Variants in RNF40 observed in about 807,000 individuals in gnomAD.
RNF40 encodes the protein E3 ubiquitin-protein ligase BRE1B.
RNF40 carries 39 observed loss-of-function variants against 123.3 expected under a neutral mutation model. That is an observed-to-expected ratio of 0.32 (90% CI 0.24 to 0.41). The LOEUF (loss-of-function observed/expected upper bound fraction) is 0.41, where lower values mean the gene tolerates loss of function less well. Ranked by LOEUF, RNF40 falls within the 10% of genes least tolerant of loss-of-function variation. The pLI is 1.00. For synonymous variants in RNF40, 538 were observed against 526.0 expected (o/e 1.02, Z -0.31); for missense variants, 1,003 against 1,319.9 (o/e 0.76, Z 3.72).
In RNF40 at chr16:30,768,926, G is replaced by T; in HGVS notation, c.2186G>T (p.Arg729Leu). ...KKIADEDALR[R>L]IRQAEEQIEH... ...ATCGCGGATGAGGATGCCCTGCGGC[G>T]CATTCGGCAGGCAGAGGAGCAGATA... Residue 729 changes from arginine (R) to leucine (L), a missense_variant, in exon 15 of 20, where the codon CGC becomes CTC. Physicochemically the swap from Arg to Leu is moderately radical, Grantham distance 102. Around this residue, in one of 11 missense-constraint regions of RNF40, gnomAD observed 295 missense variants for 331.7 expected, o/e 0.89. Transcript: ENST00000324685. This position sits in a 1 kb window ranked among gnomAD's most constrained non-coding sequence, Gnocchi z 4.1. 1 of 1,614,174 alleles carries T rather than the reference G, an allele frequency of 6.2e-7. No individual in the cohort carries two copies. Among genetic ancestry groups the T allele is most frequent in the South Asian group, 1.1e-5 (1 of 91,088 alleles).
rs1567285308 is a variant in RNF40 at position 30,768,101 on chromosome 16, AGCTC to A, written c.1552-1_1554del. 1 of 1,611,120 alleles carries A rather than the reference AGCTC, an allele frequency of 6.2e-7. No individual in the cohort carries two copies. The highest frequency in any genetic ancestry group is 8.5e-7 in the Non-Finnish European group (1 of 1,178,028). ...CATCCCTCTTCCTCTCTGCCTTTGC[AGCTC>A]CGGGCCCAGGCCAGTGGCTCTGCCC... On this transcript the variant is annotated splice_acceptor_variant and coding_sequence_variant, in exon 13 of 20. Coordinates refer to ENST00000324685, the MANE Select transcript of RNF40 (RefSeq NM_014771.4). LOFTEE classifies it high-confidence loss of function. This position sits in a 1 kb window ranked among gnomAD's most constrained non-coding sequence, Gnocchi z 4.1.
rs1354297625 is a variant in RNF40 at position 30,775,482 on chromosome 16, T to C, written c.*1368T>C. ...CCTGGTCCGCACATGGTTAGGAGGT[T>C]CTCGGAGAGAGAGCTAGTTTCCCGG... On this transcript the variant is annotated 3_prime_UTR_variant, in exon 20 of 20. Transcript: ENST00000324685. 1 of 166,996 alleles carries C rather than the reference T, an allele frequency of 6.0e-6. No individual in the cohort carries two copies. The highest frequency in any genetic ancestry group is 1.3e-5 in the Non-Finnish European group (1 of 76,612). The allele number at this position is 166,996 out of a possible 1,614,324, so 10.3% of individuals were successfully genotyped here.
chr16:30,765,694 G>A (rs575959601), intron 8 of RNF40, among the ~76,000 whole-genome samples, 195 bp downstream of exon 8: 1 of 152,150 alleles, frequency 6.6e-6, no homozygotes, highest in African/African-American at 2.4e-5. Context: ...GCATATTGGC[G>A]AGAACAAAAT....
At position 30,766,454 on chromosome 16, in the gene RNF40, C is replaced by G. The variant is rs759859363; in HGVS notation, c.1189C>G (p.Leu397Val). The change falls in exon 10 of 20, where the codon CTG becomes GTG. Residue 397 changes from leucine (L) to valine (V), a missense_variant. Transcript: ENST00000324685. This position sits in a 1 kb window ranked among gnomAD's most constrained non-coding sequence, Gnocchi z 5.4. Reference sequence around the variant, plus strand: ...CCGCATGCTGCAGGCCCAATTCTCACTGCTCTACAACGAGTCTCTGCAAGT... The same window carrying G: ...CCGCATGCTGCAGGCCCAATTCTCAGTGCTCTACAACGAGTCTCTGCAAGT... ...EYRMLQAQFS[L>V]LYNESLQVKT... 7.4e-6 allele frequency: 12 copies of G among 1,613,990 alleles called. No individual in the cohort carries two copies. Among genetic ancestry groups the G allele is most frequent in the South Asian group, 2.2e-5 (2 of 91,084 alleles).
At position 30,763,609 on chromosome 16, in the gene RNF40, C is replaced by T. The variant is rs2053945811; in HGVS notation, c.442+50C>T. 3.1e-6 allele frequency: 5 copies of T among 1,599,802 alleles called. No individual in the cohort carries two copies. In the South Asian group the frequency reaches 3.3e-5, roughly 11 times the overall value. ...GGGAGCTTAAGTTCTGGGAGAAGTC[C>T]TGGGGAGGAGGGGACTTTGGTGTTG... is the stretch of plus-strand genomic sequence containing the variant. On this transcript the variant is annotated intron_variant, in intron 4 of 19. Coordinates refer to ENST00000324685, the MANE Select transcript of RNF40 (RefSeq NM_014771.4).
Position 30,774,996 on chromosome 16 carries a change from T to TC in RNF40, c.*887dup, listed in dbSNP as rs1350866642. 1 of 456,268 alleles carries TC rather than the reference T, an allele frequency of 2.2e-6. No homozygotes were observed. The highest frequency in any genetic ancestry group is 4.4e-6 in the Non-Finnish European group (1 of 226,782). 28.3% of individuals were successfully genotyped at this position (456,268 alleles called of 1,614,324 possible). On this transcript the variant is annotated 3_prime_UTR_variant, in exon 20 of 20. Transcript: ENST00000324685. ...TCCAATCATTCCAGCTAGAAGAGCT[T>TC]CCCCCTGACACCCTGTGACTGAGCC...
In RNF40 at chr16:30,774,924, T is replaced by C. The variant is rs534630932; in HGVS notation, c.*810T>C. 1 of 456,290 alleles carries C rather than the reference T, an allele frequency of 2.2e-6. No individual in the cohort carries two copies. The highest frequency in any genetic ancestry group is 4.4e-6 in the Non-Finnish European group (1 of 226,678). The allele number at this position is 456,290 out of a possible 1,614,324, so 28.3% of individuals were successfully genotyped here. A position where few individuals can be genotyped will look rare whatever the true frequency, so the allele number is the denominator to read the frequency against. On this transcript the variant is annotated 3_prime_UTR_variant, in exon 20 of 20. Transcript: ENST00000324685. ...GCCTTAACTACAGTGGAGGTGGAAC[T>C]TCCCAGGAGGGGAAGGGACAGACCA...
chr16:30,767,779 C>T, intron 11 of RNF40, 115 bp from the exon 12 acceptor site: 1 of 1,404,982 alleles, frequency 7.1e-7, no homozygotes, highest in Admixed American at 1.8e-5. Flanking sequence ...GTTGAGGCCG[C>T]AATGTTCCCC....
At position 30,766,251 on chromosome 16, in the gene RNF40, AG is replaced by A; in HGVS notation, c.1087del (p.Ala363LeufsTer19). ...CTGGAGAAACTGCAGGCCGAACTTC[AG>A]GGGGCTGTGCGGACCAATGAGCGCC... ...AELEKLQAEL[Q>X]GAVRTNERLK... On this transcript the variant is annotated frameshift_variant, in exon 9 of 20. Coordinates refer to ENST00000324685, the MANE Select transcript of RNF40 (RefSeq NM_014771.4). LOFTEE classifies it high-confidence loss of function. This position sits in a 1 kb window ranked among gnomAD's most constrained non-coding sequence, Gnocchi z 5.4. 6.2e-7 allele frequency: 1 copy of A among 1,614,094 alleles called. No homozygotes were observed. Among genetic ancestry groups the A allele is most frequent in the Non-Finnish European group, 8.5e-7 (1 of 1,180,004 alleles).
In RNF40 at chr16:30,769,492, G is replaced by A; in HGVS notation, c.2478G>A (p.Leu826=). 1 of 1,613,866 alleles carries A rather than the reference G, an allele frequency of 6.2e-7. No homozygotes were observed. ...GTCCTTAGGTGGATGCCCAGCTGCT[G>A]ACTGTGCAGAAGCTAGAGGAGAAGG... The part of the protein sequence containing the change: ...GLKSQVDAQL[L]TVQKLEEKER... Residue 826 remains leucine (L), a synonymous_variant, in exon 17 of 20, where the codon CTG becomes CTA. Transcript: ENST00000324685.
rs767274387 is a variant in RNF40, at chr16:30,768,925, C to T, written c.2185C>T (p.Arg729Cys). Residue 729 changes from arginine to cysteine, a missense_variant, in exon 15 of 20, where the codon CGC (arginine) becomes TGC (cysteine). Arg to Cys is a radical substitution (Grantham distance 180, BLOSUM62 -3). This residue lies in a region of RNF40 where 295 missense variants were observed against 331.7 expected (regional missense o/e 0.89). Transcript: ENST00000324685. This position sits in a 1 kb window ranked among gnomAD's most constrained non-coding sequence, Gnocchi z 4.1. ...KKIADEDALR[R>C]IRQAEEQIEH... ...GATCGCGGATGAGGATGCCCTGCGGCGCATTCGGCAGGCAGAGGAGCAGAT... is the reference window on the plus strand; with the variant it reads ...GATCGCGGATGAGGATGCCCTGCGGTGCATTCGGCAGGCAGAGGAGCAGAT... 14 of 1,614,052 alleles carry T rather than the reference C, an allele frequency of 8.7e-6. No individual in the cohort carries two copies. Among genetic ancestry groups the T allele is most frequent in the South Asian group, 6.6e-5 (6 of 91,088 alleles).
At chr16:30,773,049 G>A (rs553542597) in intron 19 of RNF40, among the ~76,000 whole-genome samples, 6 of 152,288 alleles carry the variant, frequency 3.9e-5, no homozygotes, top group African/African-American at 7.2e-5. Flanking sequence ...GGAGGCCTGC[G>A]GGGGAGCAGG....
At chr16:30,770,536 A>G (rs566353191) in intron 17 of RNF40, among the ~76,000 whole-genome samples, 36 of 152,266 alleles carry the variant, frequency 2.4e-4, no homozygotes, top group African/African-American at 8.2e-4. Flanking sequence ...TCTACCTTCT[A>G]ACCACTCGCT....
intron 4 of RNF40, 56 bp downstream of exon 4, chr16:30,763,615 A>G (rs1242312331): frequency 1.3e-6 from 2 of 1,586,726 alleles, no homozygotes; most frequent in Non-Finnish European, 8.6e-7. Context: ...AGTCCTGGGG[A>G]GGAGGGGACT....
In RNF40 at chr16:30,769,571, A is replaced by G; in HGVS notation, c.2557A>G (p.Ser853Gly). ...TGTGGAGAAGGAGCTGACGCTGCGC[A>G]GCCAAGCCCTGGAGCTCAACAAGCG... is the stretch of plus-strand genomic sequence containing the variant. Reference protein sequence around the residue: ...GGVEKELTLRSQALELNKRKA... With the variant: ...GGVEKELTLRGQALELNKRKA... The change falls in exon 17 of 20, where the codon AGC becomes GGC. Residue 853 changes from serine to glycine, a missense_variant. This residue lies in a region of RNF40 where 121 missense variants were observed against 125.3 expected (regional missense o/e 0.97). Coordinates refer to ENST00000324685, the MANE Select transcript of RNF40 (RefSeq NM_014771.4). The G allele has an allele frequency of 6.2e-7, 1 of 1,603,892 alleles. No individual in the cohort carries two copies. Among genetic ancestry groups the G allele is most frequent in the Non-Finnish European group, 8.5e-7 (1 of 1,175,076 alleles).
At position 30,768,107 on chromosome 16, in the gene RNF40, G is replaced by A. The variant is rs371336064; in HGVS notation, c.1556G>A (p.Arg519Gln). 2.0e-5 allele frequency: 32 copies of A among 1,610,190 alleles called. No homozygotes were observed. Among genetic ancestry groups the A allele is most frequent in the East Asian group, 4.5e-5 (2 of 44,832 alleles). ...REVQAEIGKL[R>Q]AQASGSAHST... is the part of the protein sequence containing the mutation. ...TCTTCCTCTCTGCCTTTGCAGCTCC[G>A]GGCCCAGGCCAGTGGCTCTGCCCAC... The change falls in exon 13 of 20, where the codon CGG (arginine) becomes CAG (glutamine). Residue 519 changes from arginine (R) to glutamine (Q), a missense_variant. Physicochemically the swap from Arg to Gln is conservative, Grantham distance 43. Transcript: ENST00000324685. This position sits in a 1 kb window ranked among gnomAD's most constrained non-coding sequence, Gnocchi z 4.1.
Position 30,774,288 on chromosome 16 carries a change from A to G in RNF40, c.*174A>G, listed in dbSNP as rs2054198313. ...CATGCTAGTGGGCATGGGATCAGCC[A>G]AGCTTCGTTCCATCTTTTCCTAAAG... On this transcript the variant is annotated 3_prime_UTR_variant, in exon 20 of 20. Transcript: ENST00000324685. The G allele has an allele frequency of 6.4e-6, 4 of 628,448 alleles. No homozygotes were observed. The highest frequency in any genetic ancestry group is 1.1e-5 in the Non-Finnish European group (4 of 372,434). The allele number at this position is 628,448 out of a possible 1,614,324, so 38.9% of individuals were successfully genotyped here. A position where few individuals can be genotyped will look rare whatever the true frequency, so the allele number is the denominator to read the frequency against.
intron 17 of RNF40, among the ~76,000 whole-genome samples, chr16:30,770,781 A>T (rs1289683221): frequency 6.6e-6 from 1 of 151,898 alleles, no homozygotes; most frequent in African/African-American, 2.4e-5. Flanking sequence ...GCTCGGTCTC[A>T]GTTCACTGCA....
Position 30,774,522 on chromosome 16 carries a change from C to A in RNF40, c.*408C>A. On this transcript the variant is annotated 3_prime_UTR_variant, in exon 20 of 20. Transcript: ENST00000324685. ...TGCCTACTGGCTCACAAATGAGGAC[C>A]AGTGAGCCATGTCCTTGTTCCTTGT... is the stretch of plus-strand genomic sequence containing the variant. 1 of 218,208 alleles carries A rather than the reference C, an allele frequency of 4.6e-6. No homozygotes were observed. Among genetic ancestry groups the A allele is most frequent in the South Asian group, 7.2e-5 (1 of 13,810 alleles). The allele number at this position is 218,208 out of a possible 1,614,324, so 13.5% of individuals were successfully genotyped here. A position where few individuals can be genotyped will look rare whatever the true frequency, so the allele number is the denominator to read the frequency against.
Sources: gnomAD v4.1 joint callset for allele counts (sites outside exome capture counted in the v4.1 genomes callset) on GRCh38, gnomAD v4.1.1 for gene constraint, gnomAD v4.1.1 regional missense constraint, Gnocchi (gnomAD v3.1) non-coding constraint, MANE v1.5 for transcripts, NCBI Gene and HGNC (gene_info 2026-07-23, HGNC 2026-07-21) for gene names.